Variants in RGS6 observed in about 807,000 individuals in gnomAD.
RGS6 encodes the protein regulator of G protein signaling 6, also known as regulator of G-protein signaling 6.
In RGS6, 30 loss-of-function variants were observed where a neutral mutation model predicts 78.5. The ratio of observed to expected loss-of-function variants is 0.38; its 90% confidence interval spans 0.29 to 0.52. RGS6 has a LOEUF of 0.52. RGS6 is among the 20% of genes least tolerant of loss of function. The pLI, the probability that RGS6 is intolerant of heterozygous loss-of-function variation, is 0.85. For synonymous variants in RGS6, 206 were observed against 206.0 expected, an observed-to-expected ratio of 1.00 and a Z score of 0.00; for missense variants, 495 against 609.7, an observed-to-expected ratio of 0.81 and a Z score of 1.98.
chr14:72,457,294 C>T (rs913110192), intron 4 of RGS6, among the ~76,000 whole-genome samples: 8 of 152,212 alleles, frequency 5.3e-5, no homozygotes, highest in African/African-American at 1.7e-4. Context: ...AGTCAGAGCT[C>T]GTGAAATTAA....
chr14:72,293,675 A>G (rs991352934), intron 2 of RGS6, among the ~76,000 whole-genome samples: 1 of 152,198 alleles, frequency 6.6e-6, no homozygotes, highest in African/African-American at 2.4e-5. Flanking sequence ...TTCAGCTCCA[A>G]TAGTTGGTGC....
chr14:72,232,669 A>G (rs1174423895), intron 2 of RGS6, among the ~76,000 whole-genome samples: 1 of 152,050 alleles, frequency 6.6e-6, no homozygotes, highest in African/African-American at 2.4e-5. Context: ...CTGGGAGGTG[A>G]GGGGACTCTC....
intron 3 of RGS6, among the ~76,000 whole-genome samples, chr14:72,379,656 A>G (rs1471891411): frequency 6.6e-6 from 1 of 152,122 alleles, no homozygotes; most frequent in East Asian, 1.9e-4. Context: ...ACTACAAAAC[A>G]CTGATGAAAG....
At chr14:72,428,853 G>C (rs960156935) in intron 3 of RGS6, among the ~76,000 whole-genome samples, 11 of 152,156 alleles carry the variant, frequency 7.2e-5, no homozygotes, top group Non-Finnish European at 2.9e-5. Context: ...ACTGGATGAG[G>C]TCTTGCTCAA....
chr14:72,403,724 T>A (rs2092677042), intron 3 of RGS6, among the ~76,000 whole-genome samples: 1 of 152,184 alleles, frequency 6.6e-6, no homozygotes, highest in African/African-American at 2.4e-5. Flanking sequence ...TGTATAATTA[T>A]TATGTTCAAT....
chr14:71,926,307 G>A, the RGS6 span, among the ~76,000 whole-genome samples: 1 of 152,194 alleles, frequency 6.6e-6, no homozygotes, highest in East Asian at 1.9e-4. Flanking sequence ...GAAGAGGCTG[G>A]GCACAGTGGC....
At chr14:72,099,616 T>C (rs2153521562) in intron 2 of RGS6, among the ~76,000 whole-genome samples, 1 of 152,326 alleles carries the variant, frequency 6.6e-6, no homozygotes, top group Admixed American at 6.5e-5. Flanking sequence ...CAATGAGCTC[T>C]CAGATAGAAA....
chr14:72,260,093 A>G (rs1390047681), intron 2 of RGS6, among the ~76,000 whole-genome samples: 1 of 152,160 alleles, frequency 6.6e-6, no homozygotes, highest in Non-Finnish European at 1.5e-5. Flanking sequence ...ATATATTTTC[A>G]TCAGAAAAGA....
chr14:72,258,989 G>C (rs1019650971), intron 2 of RGS6, among the ~76,000 whole-genome samples: 6 of 152,094 alleles, frequency 3.9e-5, no homozygotes, highest in African/African-American at 1.4e-4. Context: ...TACGAGATTG[G>C]GAACACAGTA....
intron 7 of RGS6, among the ~76,000 whole-genome samples, chr14:72,469,119 C>T (rs1202878540): frequency 1.3e-5 from 2 of 152,026 alleles, no homozygotes; most frequent in Admixed American, 6.5e-5. Flanking sequence ...TTTTCTTTTT[C>T]TCTAACGGCA....
At chr14:71,901,877 G>T in the RGS6 span, among the ~76,000 whole-genome samples, 1 of 152,186 alleles carries the variant, frequency 6.6e-6, no homozygotes, top group South Asian at 2.1e-4. Flanking sequence ...TTAGAAACAG[G>T]TGTATGATAA....
At chr14:72,492,984 C>T (rs947040739) in intron 12 of RGS6, among the ~76,000 whole-genome samples, 1 of 152,220 alleles carries the variant, frequency 6.6e-6, no homozygotes, top group Admixed American at 6.5e-5. Flanking sequence ...CCAATGCCTG[C>T]CCTAGGGAAA....
intron 2 of RGS6, among the ~76,000 whole-genome samples, chr14:72,025,186 A>G (rs180677538): frequency 6.6e-6 from 1 of 152,182 alleles, no homozygotes; most frequent in Admixed American, 6.5e-5. Context: ...AAAACAGCAG[A>G]GCAAAGTTCA....
intron 1 of RGS6, among the ~76,000 whole-genome samples, chr14:71,946,339 G>C (rs907538052): frequency 1.7e-4 from 26 of 152,088 alleles, no homozygotes; most frequent in African/African-American, 6.3e-4. Flanking sequence ...ACAATCTCTG[G>C]TTTAGTCAAC....
At chr14:72,172,009 G>C (rs554580338) in intron 2 of RGS6, among the ~76,000 whole-genome samples, 198 of 152,188 alleles carry the variant, frequency 1.3e-3, no homozygotes, top group African/African-American at 4.4e-3. Flanking sequence ...CATGCCTCTT[G>C]GTCATTCCCT....
chr14:72,128,237 A>C (rs545042013), intron 2 of RGS6, among the ~76,000 whole-genome samples: 26 of 152,358 alleles, frequency 1.7e-4, no homozygotes, highest in African/African-American at 5.8e-4. Context: ...AAACTATGAC[A>C]GTCCAGCTCA....
intron 17 of RGS6, among the ~76,000 whole-genome samples, chr14:72,543,184 A>T (rs1218016778): frequency 6.6e-6 from 1 of 152,228 alleles, no homozygotes; most frequent in Non-Finnish European, 1.5e-5. Flanking sequence ...CTAGCCTACC[A>T]TGTACGTTCA....
intron 2 of RGS6, among the ~76,000 whole-genome samples, chr14:72,225,580 C>T (rs1156681872): frequency 6.6e-6 from 1 of 152,140 alleles, no homozygotes; most frequent in Non-Finnish European, 1.5e-5. Flanking sequence ...CTGCCTGCCT[C>T]AGACTCCTAA....
intron 10 of RGS6, among the ~76,000 whole-genome samples, chr14:72,475,015 G>A (rs2096199072): frequency 6.6e-6 from 1 of 151,112 alleles, no homozygotes; most frequent in Non-Finnish European, 1.5e-5. Context: ...GCCAGACCTG[G>A]AGTGGGTGGG....
Sources: allele counts gnomAD v4.1 joint callset (sites outside exome capture counted in the v4.1 genomes callset), GRCh38; gene constraint gnomAD v4.1.1; transcripts MANE v1.5; gene names NCBI Gene and HGNC (gene_info 2026-07-23, HGNC 2026-07-21).